The following ADAMTSL1 variants were observed in gnomAD, a reference collection of about 807,000 sequenced individuals.
ADAMTSL1 encodes the protein ADAMTS-like protein 1.
ADAMTSL1 carries 126 observed loss-of-function variants against 201.8 expected under a neutral mutation model. The ratio of observed to expected loss-of-function variants is 0.62; its 90% CI spans 0.54 to 0.72. The LOEUF is 0.72. ADAMTSL1 is among the 30% of genes least tolerant of loss of function. The pLI, the probability that ADAMTSL1 is intolerant of heterozygous loss-of-function variation, is 0.00. For missense variants in ADAMTSL1, 2,679 were observed against 2,277.8 expected (o/e 1.18, Z -3.59); for synonymous variants, 1,121 against 903.4 (o/e 1.24, Z -4.32).
At chr9:18,054,982 C>A (rs1168246830) in intron 1 of ADAMTSL1, among the ~76,000 whole-genome samples, 1 of 152,166 alleles carries the variant, frequency 6.6e-6, no homozygotes, top group Non-Finnish European at 1.5e-5. Context: ...GCTCCCTTCC[C>A]CAGCCGGTGC....
At chr9:18,588,665 T>C (rs565340311) in intron 4 of ADAMTSL1, among the ~76,000 whole-genome samples, 62 of 151,948 alleles carry the variant, frequency 4.1e-4, no homozygotes, top group African/African-American at 1.5e-3. Context: ...AATTTTATTC[T>C]TCTGCATATT....
At chr9:18,703,055 C>T (rs538033934) in intron 13 of ADAMTSL1, among the ~76,000 whole-genome samples, 30 of 152,024 alleles carry the variant, frequency 2.0e-4, no homozygotes, top group South Asian at 6.2e-4. Context: ...AGTGCCCGGC[C>T]GACAAGAAGA....
At chr9:18,549,273 G>A (rs1157867321) in intron 3 of ADAMTSL1, among the ~76,000 whole-genome samples, 1 of 151,904 alleles carries the variant, frequency 6.6e-6, no homozygotes, top group Non-Finnish European at 1.5e-5. Flanking sequence ...TAGACTAAAG[G>A]CTGAAACTTC....
intron 20 of ADAMTSL1, among the ~76,000 whole-genome samples, chr9:18,811,793 G>T (rs564662057): frequency 9.2e-5 from 14 of 152,136 alleles, no homozygotes; most frequent in South Asian, 4.1e-4. Flanking sequence ...AAGGCATAGA[G>T]ACTGGAAACA....
intron 23 of ADAMTSL1, among the ~76,000 whole-genome samples, chr9:18,884,912 C>G (rs1484848488): frequency 6.6e-6 from 1 of 152,126 alleles, no homozygotes; most frequent in Non-Finnish European, 1.5e-5. Context: ...ATGAGATTCT[C>G]TATTTGCAAA....
intron 23 of ADAMTSL1, among the ~76,000 whole-genome samples, chr9:18,860,577 C>T (rs1479235794): frequency 6.6e-6 from 1 of 151,940 alleles, no homozygotes; most frequent in African/African-American, 2.4e-5. Context: ...CTTTTGACTA[C>T]TTTGTTTTTA....
chr9:17,970,598 T>C (rs527670045), intron 1 of ADAMTSL1, among the ~76,000 whole-genome samples: 2 of 152,180 alleles, frequency 1.3e-5, no homozygotes, highest in East Asian at 3.9e-4. Context: ...ATTTTTGCTG[T>C]TTCCTGTGTA....
At chr9:18,214,383 AATG>A (rs1267045017) in intron 2 of ADAMTSL1, among the ~76,000 whole-genome samples, 1 of 152,214 alleles carries the variant, frequency 6.6e-6, no homozygotes, top group Non-Finnish European at 1.5e-5. Flanking sequence ...CACCCAAAGC[AATG>A]ATATTCTTTG....
At chr9:17,942,409 A>C (rs1402733013) in intron 1 of ADAMTSL1, among the ~76,000 whole-genome samples, 1 of 152,142 alleles carries the variant, frequency 6.6e-6, no homozygotes, top group Non-Finnish European at 1.5e-5. Context: ...CTTTTGTTTC[A>C]TAAATGATGT....
intron 2 of ADAMTSL1, among the ~76,000 whole-genome samples, chr9:18,467,758 CAAGTAT>C: frequency 2.0e-5 from 3 of 152,216 alleles, no homozygotes; most frequent in Admixed American, 2.0e-4. Flanking sequence ...TGGGTAATAT[CAAGTAT>C]TTCAATCGAG....
intron 1 of ADAMTSL1, among the ~76,000 whole-genome samples, chr9:18,481,996 C>T (rs1286173871): frequency 2.6e-5 from 4 of 152,092 alleles, no homozygotes; most frequent in African/African-American, 4.8e-5. Context: ...CCAAAATCCA[C>T]GCAAAAAACA....
intron 2 of ADAMTSL1, among the ~76,000 whole-genome samples, chr9:18,245,919 T>G (rs1331817277): frequency 1.2e-4 from 18 of 152,150 alleles, no homozygotes; most frequent in Non-Finnish European, 1.5e-5. Flanking sequence ...CATTTTATTT[T>G]TTGTGGTCTG....
At chr9:18,170,860 G>A (rs1325673410) in intron 2 of ADAMTSL1, among the ~76,000 whole-genome samples, 3 of 152,032 alleles carry the variant, frequency 2.0e-5, no homozygotes, top group Admixed American at 2.0e-4. Flanking sequence ...TCTCTCTACT[G>A]TTGTCATCAG....
intron 2 of ADAMTSL1, among the ~76,000 whole-genome samples, chr9:18,308,982 C>T (rs548532873): frequency 4.6e-5 from 7 of 152,252 alleles, no homozygotes; most frequent in African/African-American, 1.4e-4. Flanking sequence ...AAAAGCTTAT[C>T]CACCATGATC....
At chr9:18,445,450 A>G (rs901274169) in intron 2 of ADAMTSL1, among the ~76,000 whole-genome samples, 4 of 152,182 alleles carry the variant, frequency 2.6e-5, no homozygotes, top group Admixed American at 6.5e-5. Flanking sequence ...TCTTTTAATC[A>G]CAGTATATTT....
At chr9:18,625,098 G>T (rs996678583) in intron 5 of ADAMTSL1, among the ~76,000 whole-genome samples, 1 of 152,142 alleles carries the variant, frequency 6.6e-6, no homozygotes, top group Non-Finnish European at 1.5e-5. Context: ...AGGCTGCTCT[G>T]CAGGGCCCAG....
intron 14 of ADAMTSL1, chr9:18,717,825 A>G (rs948682066): frequency 1.1e-5 from 7 of 658,484 alleles, no homozygotes; most frequent in South Asian, 1.8e-5. Context: ...GCAAACTGAT[A>G]TAGTAGCTTT....
rs1022645843 is a variant in ADAMTSL1, at chr9:18,022,048, T to C, written c.87+115126T>C. 2.2e-4 allele frequency among the ~76,000 whole-genome samples: 34 copies of C among 152,102 alleles called. 1 individual carries two copies. The highest frequency in any genetic ancestry group is 8.2e-4 in the African/African-American group (34 of 41,430). Reference sequence around the variant, plus strand: ...AGAAAGGAAGATTCTACACAGCCTCTAACATTCACAGTACTCATTTTTTTC... The same window carrying C: ...AGAAAGGAAGATTCTACACAGCCTCCAACATTCACAGTACTCATTTTTTTC... On this transcript the variant is annotated intron_variant, in intron 1 of 29. Transcript: ENST00000680146.
At chr9:18,667,264 A>G (rs1007841780) in intron 9 of ADAMTSL1, among the ~76,000 whole-genome samples, 2 of 150,378 alleles carry the variant, frequency 1.3e-5, no homozygotes, top group African/African-American at 4.9e-5. Flanking sequence ...TAAATTGCAT[A>G]AATTGTCTCT....
Sources: allele counts gnomAD v4.1 joint callset (sites outside exome capture counted in the v4.1 genomes callset), GRCh38; gene constraint gnomAD v4.1.1; transcripts MANE v1.5; gene names NCBI Gene and HGNC (gene_info 2026-07-23, HGNC 2026-07-21).